Variants in DAB1 observed in about 807,000 individuals in gnomAD.
DAB1 encodes the protein disabled homolog 1.
DAB1 carries 15 observed loss-of-function variants against 64.6 expected under a neutral mutation model. The ratio of observed to expected loss-of-function variants is 0.23; its 90% confidence interval spans 0.16 to 0.36. DAB1 has a LOEUF of 0.36. Among genes scored for constraint, DAB1 ranks in the 10% least tolerant of loss-of-function variants. DAB1 has a pLI of 1.00. For missense variants in DAB1, 596 were observed against 706.7 expected, an observed-to-expected ratio of 0.84 and a Z score of 1.78; for synonymous variants, 235 against 251.9, an observed-to-expected ratio of 0.93 and a Z score of 0.64.
At chr1:58,454,142 T>G (rs2100299453) in intron 3 of DAB1, among the ~76,000 whole-genome samples, 1 of 152,286 alleles carries the variant, frequency 6.6e-6, no homozygotes, top group South Asian at 2.1e-4. Context: ...CATTCACCTC[T>G]GGCCCAATTA....
intron 2 of DAB1, among the ~76,000 whole-genome samples, chr1:57,236,294 C>A (rs1483595785): frequency 6.6e-6 from 1 of 152,146 alleles, no homozygotes; most frequent in Non-Finnish European, 1.5e-5. Flanking sequence ...ATGTGACTAA[C>A]CCACAAACTT....
intron 2 of DAB1, among the ~76,000 whole-genome samples, chr1:57,161,841 C>A (rs1200211414): frequency 1.3e-5 from 2 of 151,138 alleles, no homozygotes; most frequent in East Asian, 1.9e-4. Context: ...CACGCAAACA[C>A]CCATTCTTCA....
intron 4 of DAB1, among the ~76,000 whole-genome samples, chr1:58,308,909 G>A (rs1424225993): frequency 6.6e-6 from 1 of 152,168 alleles, no homozygotes; most frequent in Non-Finnish European, 1.5e-5. Context: ...GAAAGATGAC[G>A]TTTATTCCTT....
At position 57,104,512 on chromosome 1, in the gene DAB1, T is replaced by G. The variant is rs544549023; in HGVS notation, c.306+32031A>C. On this transcript the variant is annotated intron_variant, in intron 4 of 14. Transcript: ENST00000371236. ...TAGGGCAGGGAGGGCTTAAATCGACTTAAGTCATGACCTGTTATTTTAATC... is the reference window on the plus strand; with the variant it reads ...TAGGGCAGGGAGGGCTTAAATCGACGTAAGTCATGACCTGTTATTTTAATC... 1.4e-4 allele frequency among the ~76,000 whole-genome samples: 21 copies of G among 152,330 alleles called. No homozygotes were observed. The East Asian group carries it at 4.0e-3, about 29-fold the overall frequency.
At chr1:57,030,639 T>A (rs1210640809) in intron 9 of DAB1, among the ~76,000 whole-genome samples, 2 of 152,324 alleles carry the variant, frequency 1.3e-5, no homozygotes, top group East Asian at 3.9e-4. Flanking sequence ...TTCCTGGCTA[T>A]CTTGTTTCTC....
rs573807081 is a variant in DAB1, at chr1:57,794,165, G to A, written n.551+89834C>T. 1.1e-4 allele frequency among the ~76,000 whole-genome samples: 17 copies of A among 152,248 alleles called. No individual in the cohort carries two copies. The South Asian group carries it at 1.2e-3, about 11-fold the overall frequency. The stretch of plus-strand genomic sequence containing the variant: ...GGCTGAATCCTAGTTTCTCCTACCC[G>A]TAGGGACCCAAGATTTGGGTTGCTG... On this transcript the variant is annotated intron_variant and non_coding_transcript_variant, in intron 6 of 20. Transcript: ENST00000485760.
chr1:57,499,638 T>A (rs911671389), intron 7 of DAB1, among the ~76,000 whole-genome samples: 4 of 152,170 alleles, frequency 2.6e-5, no homozygotes, highest in African/African-American at 9.7e-5. Context: ...GGCAAGGAAG[T>A]TAAAAGTTTT....
At chr1:57,963,607 C>G (rs902391693) in intron 5 of DAB1, among the ~76,000 whole-genome samples, 1 of 152,046 alleles carries the variant, frequency 6.6e-6, no homozygotes, top group African/African-American at 2.4e-5. Flanking sequence ...GTTTAAGGAC[C>G]CTTTGAGCTG....
At chr1:58,106,065 G>GT (rs1318162615) in intron 5 of DAB1, among the ~76,000 whole-genome samples, 1 of 141,222 alleles carries the variant, frequency 7.1e-6, no homozygotes, top group African/African-American at 2.8e-5. Context: ...TGTTGTTTTG[G>GT]TTTTTTGTTT....
intron 4 of DAB1, among the ~76,000 whole-genome samples, chr1:57,129,629 A>T (rs1657470712): frequency 6.6e-6 from 1 of 152,132 alleles, no homozygotes; most frequent in Non-Finnish European, 1.5e-5. Flanking sequence ...GCAATGTTCA[A>T]GTCTAGGATT....
intron 5 of DAB1, among the ~76,000 whole-genome samples, chr1:57,965,605 A>G (rs961052344): frequency 2.6e-4 from 40 of 152,220 alleles, no homozygotes; most frequent in African/African-American, 8.2e-4. Flanking sequence ...CAGAATACAT[A>G]AACTAGAAAT....
In DAB1 at chr1:58,344,119, C is replaced by T. The variant is rs144919866; in HGVS notation, n.258-716G>A. The stretch of plus-strand genomic sequence containing the variant: ...CTATGCCACTTCCTACCTATGTGAC[C>T]TTAGGCAAGTTACTTAACCTCTCTG... On this transcript the variant is annotated intron_variant and non_coding_transcript_variant, in intron 3 of 20. Coordinates refer to the DAB1 transcript ENST00000485760. Among the ~76,000 whole-genome samples the T allele has an allele frequency of 1.2e-3, 183 of 152,078 alleles. 1 individual carries two copies. Among genetic ancestry groups the T allele is most frequent in the African/African-American group, 4.1e-3 (169 of 41,464 alleles).
At chr1:57,418,970 A>T (rs530483253) in intron 1 of DAB1, among the ~76,000 whole-genome samples, 1 of 152,216 alleles carries the variant, frequency 6.6e-6, no homozygotes, top group Non-Finnish European at 1.5e-5. Flanking sequence ...GATTAATTTG[A>T]TTAATGAGTT....
intron 4 of DAB1, among the ~76,000 whole-genome samples, chr1:58,252,850 A>G (rs750352393): frequency 1.4e-4 from 21 of 152,132 alleles, no homozygotes; most frequent in African/African-American, 4.8e-4. Flanking sequence ...CACTTATCCA[A>G]TTGAGACCCA....
intron 7 of DAB1, among the ~76,000 whole-genome samples, chr1:57,442,700 A>G (rs1685999880): frequency 6.6e-6 from 1 of 152,224 alleles, no homozygotes; most frequent in Non-Finnish European, 1.5e-5. Context: ...AAGGGTGGAA[A>G]GACACAGCTG....
chr1:57,337,622 C>G (rs745312963), intron 1 of DAB1, among the ~76,000 whole-genome samples: 3 of 152,116 alleles, frequency 2.0e-5, no homozygotes, highest in African/African-American at 7.2e-5. Context: ...TTGTGTAATC[C>G]CATGATGGCA....
intron 4 of DAB1, among the ~76,000 whole-genome samples, chr1:58,167,632 C>T (rs933307436): frequency 1.3e-5 from 2 of 152,236 alleles, no homozygotes; most frequent in Admixed American, 1.3e-4. Flanking sequence ...CACAACAAAT[C>T]TTGCTGCTGC....
chr1:57,911,042 C>T (rs1338703398), intron 5 of DAB1, among the ~76,000 whole-genome samples: 1 of 152,206 alleles, frequency 6.6e-6, no homozygotes, highest in Non-Finnish European at 1.5e-5. Context: ...CATTCATCCA[C>T]CTGTCATCCA....
intron 2 of DAB1, among the ~76,000 whole-genome samples, chr1:57,216,160 ATG>A (rs1380381341): frequency 6.6e-6 from 1 of 151,942 alleles, no homozygotes; most frequent in Non-Finnish European, 1.5e-5. Flanking sequence ...AAAATCTAGT[ATG>A]TGGACTTAGA....
Sources: allele counts gnomAD v4.1 joint callset (sites outside exome capture counted in the v4.1 genomes callset), GRCh38; gene constraint gnomAD v4.1.1; transcripts MANE v1.5; gene names NCBI Gene and HGNC (gene_info 2026-07-23, HGNC 2026-07-21).